The following UNC5C variants were observed in gnomAD, a reference collection of about 807,000 sequenced individuals.
The protein encoded by UNC5C is netrin receptor UNC5C.
Under a neutral mutation model 99.8 loss-of-function variants are expected in UNC5C, and 47 were observed. The ratio of observed to expected loss-of-function variants is 0.47; its 90% CI spans 0.37 to 0.60. The LOEUF is 0.60. Ranked by LOEUF, UNC5C falls within the 20% of genes least tolerant of loss-of-function variation. UNC5C has a pLI of 0.00. For missense variants in UNC5C, 1,062 were observed against 1,165.9 expected (o/e 0.91, Z 1.30); for synonymous variants, 487 against 452.2 (o/e 1.08, Z -0.98).
At chr4:95,311,270 T>G (rs1742266612) in intron 2 of UNC5C, among the ~76,000 whole-genome samples, 1 of 152,170 alleles carries the variant, frequency 6.6e-6, no homozygotes, top group Non-Finnish European at 1.5e-5. Context: ...ACTTATGCCT[T>G]GTGTGTCAAT....
chr4:95,212,103 T>C (rs1446130814), intron 10 of UNC5C, among the ~76,000 whole-genome samples: 1 of 152,194 alleles, frequency 6.6e-6, no homozygotes, highest in Non-Finnish European at 1.5e-5. Flanking sequence ...ATTACCTACA[T>C]AGGGAATTTT....
chr4:95,187,437 A>C (rs1736875184), intron 12 of UNC5C, among the ~76,000 whole-genome samples: 1 of 152,138 alleles, frequency 6.6e-6, no homozygotes, highest in East Asian at 1.9e-4. Context: ...CCAACAATGT[A>C]TAATCCACAC....
At chr4:95,355,292 T>G (rs1467781079) in intron 1 of UNC5C, among the ~76,000 whole-genome samples, 1 of 152,158 alleles carries the variant, frequency 6.6e-6, no homozygotes, top group African/African-American at 2.4e-5. Flanking sequence ...AGATAAGATA[T>G]CCACATATAA....
Position 95,398,044 on chromosome 4 carries a change from C to CTTTTT in UNC5C, c.125-62418_125-62414dup, listed in dbSNP as rs34609153. Among the ~76,000 whole-genome samples the CTTTTT allele has an allele frequency of 2.1e-4, 20 of 95,896 alleles. 1 individual carries two copies. The highest frequency in any genetic ancestry group is 7.3e-4 in the East Asian group (2 of 2,756). 62.9% of individuals were successfully genotyped at this position (95,896 alleles called of 152,430 possible). A position where few individuals can be genotyped will look rare whatever the true frequency, so the allele number is the denominator to read the frequency against. On this transcript the variant is annotated intron_variant, in intron 1 of 15. Transcript: ENST00000453304. Reference sequence around the variant, plus strand: ...CCCAATGAGAAGTAGCCAAATGTAGCTTTTTTTTTTTTTTTTTTTGCTTAT... The same window carrying CTTTTT: ...CCCAATGAGAAGTAGCCAAATGTAGCTTTTTTTTTTTTTTTTTTTTTTTTGCTTAT...
At chr4:95,501,851 A>C (rs1436830250) in intron 1 of UNC5C, among the ~76,000 whole-genome samples, 1 of 152,162 alleles carries the variant, frequency 6.6e-6, no homozygotes, top group Non-Finnish European at 1.5e-5. Context: ...TTCATGTAAA[A>C]CAGTTTTTGA....
At chr4:95,226,352 T>C (rs900290459) in intron 7 of UNC5C, among the ~76,000 whole-genome samples, 3 of 152,222 alleles carry the variant, frequency 2.0e-5, no homozygotes, top group African/African-American at 7.2e-5. Context: ...TAAGGGGATA[T>C]GAATACTTAC....
chr4:95,353,884 T>C (rs1362106425), intron 1 of UNC5C, among the ~76,000 whole-genome samples: 4 of 152,172 alleles, frequency 2.6e-5, no homozygotes, highest in African/African-American at 4.8e-5. Context: ...TTAGTGACTA[T>C]AGAATGTAGA....
At chr4:95,347,523 G>C (rs2149427198) in intron 1 of UNC5C, among the ~76,000 whole-genome samples, 1 of 152,190 alleles carries the variant, frequency 6.6e-6, no homozygotes, top group Non-Finnish European at 1.5e-5. Flanking sequence ...TAGAGCTATA[G>C]TAACCAAAAC....
chr4:95,506,565 T>TA lies in UNC5C; in HGVS notation c.124+42168dup, dbSNP rs553013468. 5.3e-5 allele frequency among the ~76,000 whole-genome samples: 8 copies of TA among 152,066 alleles called. No individual in the cohort carries two copies. The East Asian group carries it at 1.6e-3, about 29-fold the overall frequency. ...TATATGACGTGTTACTTTACATTTT[T>TA]AAAAAAGTCGTCATGTTGAGTAAGG... On this transcript the variant is annotated intron_variant, in intron 1 of 15. Transcript: ENST00000453304.
chr4:95,306,633 T>A (rs969004751), intron 2 of UNC5C, among the ~76,000 whole-genome samples: 3 of 152,224 alleles, frequency 2.0e-5, no homozygotes, highest in Admixed American at 2.0e-4. Flanking sequence ...TTCAAAAGTA[T>A]CCTAACTCAA....
chr4:95,292,550 A>G (rs1311660978), intron 3 of UNC5C, among the ~76,000 whole-genome samples: 3 of 152,090 alleles, frequency 2.0e-5, no homozygotes, highest in South Asian at 4.1e-4. Context: ...ATCTTTGCCT[A>G]TGTGGACCTT....
chr4:95,383,261 T>TTA (rs934617580), intron 1 of UNC5C, among the ~76,000 whole-genome samples: 14 of 125,226 alleles, frequency 1.1e-4, no homozygotes, highest in Non-Finnish European at 2.1e-4. Context: ...ATGTGTGTGT[T>TTA]TACACACACA....
intron 1 of UNC5C, among the ~76,000 whole-genome samples, chr4:95,434,120 A>G (rs1746708151): frequency 6.6e-6 from 1 of 152,154 alleles, no homozygotes; most frequent in South Asian, 2.1e-4. Context: ...TACATGTTCC[A>G]TGATTGTAGG....
intron 1 of UNC5C, among the ~76,000 whole-genome samples, chr4:95,514,529 G>T (rs1005370509): frequency 6.6e-6 from 1 of 151,274 alleles, no homozygotes; most frequent in African/African-American, 2.4e-5. Context: ...TTTCCTTCAA[G>T]GTACTTATCA....
intron 8 of UNC5C, 115 bp from the exon 9 acceptor site, chr4:95,219,428 G>A (rs891327018): frequency 1.7e-5 from 16 of 960,868 alleles, no homozygotes; most frequent in Middle Eastern, 3.3e-4. Context: ...AGCTAATATC[G>A]GAGATAGATA....
chr4:95,346,350 A>C (rs1743771813), intron 1 of UNC5C, among the ~76,000 whole-genome samples: 1 of 152,008 alleles, frequency 6.6e-6, no homozygotes, highest in Non-Finnish European at 1.5e-5. Context: ...TCTACCAAAC[A>C]TTTAAAGAAG....
chr4:95,344,435 G>A (rs1743694271), intron 1 of UNC5C, among the ~76,000 whole-genome samples: 2 of 151,952 alleles, frequency 1.3e-5, no homozygotes, highest in South Asian at 4.1e-4. Flanking sequence ...TGCCCTACAT[G>A]AGATGCAAAA....
At chr4:95,448,455 T>C (rs1747185152) in intron 1 of UNC5C, among the ~76,000 whole-genome samples, 2 of 152,182 alleles carry the variant, frequency 1.3e-5, no homozygotes, top group African/African-American at 4.8e-5. Context: ...CTTGGGATTA[T>C]TGTGAGGATC....
At chr4:95,367,203 T>TC (rs56189356) in intron 1 of UNC5C, among the ~76,000 whole-genome samples, 18 of 151,260 alleles carry the variant, frequency 1.2e-4, no homozygotes, top group African/African-American at 2.2e-4. Context: ...TTTTTTTTTT[T>TC]CAAAGAAAAA....
Sources: allele counts gnomAD v4.1 joint callset (sites outside exome capture counted in the v4.1 genomes callset), GRCh38; gene constraint gnomAD v4.1.1; transcripts MANE v1.5; gene names NCBI Gene and HGNC (gene_info 2026-07-23, HGNC 2026-07-21).